The following MYO5B variants were observed in gnomAD, a reference collection of about 807,000 sequenced individuals.
MYO5B encodes the protein myosin VB, also known as unconventional myosin-Vb.
In MYO5B, 143 loss-of-function variants were observed where a neutral mutation model predicts 229.3. The ratio of observed to expected loss-of-function variants is 0.62; its 90% CI spans 0.54 to 0.72. The LOEUF (loss-of-function observed/expected upper bound fraction) is 0.72. Among genes scored for constraint, MYO5B ranks in the 30% least tolerant of loss-of-function variants. The pLI, the probability that MYO5B is intolerant of heterozygous loss-of-function variation, is 0.00. For synonymous variants in MYO5B, 918 were observed against 885.2 expected, an observed-to-expected ratio of 1.04 and a Z score of -0.66; for missense variants, 2,321 against 2,331.0, an observed-to-expected ratio of 1.00 and a Z score of 0.09.
intron 4 of MYO5B, among the ~76,000 whole-genome samples, chr18:50,027,149 C>T (rs1260418377): frequency 1.3e-5 from 2 of 152,168 alleles, no homozygotes; most frequent in African/African-American, 4.8e-5. Flanking sequence ...CCATTTCATC[C>T]TGCTAGGCTT....
chr18:50,070,908 T>C (rs185892598), intron 1 of MYO5B, among the ~76,000 whole-genome samples: 2 of 152,066 alleles, frequency 1.3e-5, no homozygotes, highest in East Asian at 3.9e-4. Flanking sequence ...AGTGGTGAGA[T>C]CACTACTCAT....
chr18:50,176,041 C>A (rs1244393467), intron 1 of MYO5B, among the ~76,000 whole-genome samples: 2 of 152,224 alleles, frequency 1.3e-5, no homozygotes, highest in African/African-American at 2.4e-5. Context: ...CCAAGCCATT[C>A]CTCACATGCT....
chr18:49,873,397 G>A (rs1025341237), intron 26 of MYO5B, among the ~76,000 whole-genome samples: 4 of 152,196 alleles, frequency 2.6e-5, no homozygotes, highest in African/African-American at 9.7e-5. Context: ...ATGCACTAGC[G>A]TGCCCCAGGC....
intron 5 of MYO5B, 41 bp downstream of exon 5, chr18:50,001,214 G>A (rs755575622): frequency 1.2e-6 from 2 of 1,613,674 alleles, no homozygotes; most frequent in Middle Eastern, 1.7e-4. Flanking sequence ...CCAGTGGGAG[G>A]AGCTCCAGCC....
At chr18:49,934,073 G>A (rs1007697041) in intron 16 of MYO5B, among the ~76,000 whole-genome samples, 3 of 152,038 alleles carry the variant, frequency 2.0e-5, no homozygotes, top group Admixed American at 6.5e-5. Flanking sequence ...GTTGGGTCTC[G>A]CTATATTTCC....
At chr18:49,977,207 A>G (rs2025760961) in intron 9 of MYO5B, among the ~76,000 whole-genome samples, 1 of 152,164 alleles carries the variant, frequency 6.6e-6, no homozygotes, top group South Asian at 2.1e-4. Context: ...CTGATTTAAC[A>G]TCGTACAATT....
intron 1 of MYO5B, among the ~76,000 whole-genome samples, chr18:50,123,740 G>T (rs1322289931): frequency 1.3e-5 from 2 of 152,034 alleles, no homozygotes; most frequent in Non-Finnish European, 2.9e-5. Context: ...GATGATAAAA[G>T]GTTTTCCACT....
rs115520266 is a variant in MYO5B at position 49,871,671 on chromosome 18, A to T, written c.3603+496T>A. On this transcript the variant is annotated intron_variant, in intron 27 of 39. Transcript: ENST00000285039. ...CTCACTACCTTCAGACCAACCAGCC[A>T]GAGTTATTTGTAGTCCTGTAAGTGA... 2.1e-3 allele frequency: 463 copies of T among 216,854 alleles called. 2 individuals carry two copies. Among genetic ancestry groups the T allele is most frequent in the African/African-American group, 9.7e-3 (430 of 44,444 alleles). The allele number at this position is 216,854 out of a possible 1,614,324, so 13.4% of individuals were successfully genotyped here. A position where few individuals can be genotyped will look rare whatever the true frequency, so the allele number is the denominator to read the frequency against.
chr18:50,126,785 C>G (rs190680473), intron 1 of MYO5B, among the ~76,000 whole-genome samples: 45 of 152,332 alleles, frequency 3.0e-4, no homozygotes, highest in Non-Finnish European at 6.3e-4. Context: ...GAAGAGCATG[C>G]ATGGTGAAGC....
chr18:50,063,054 G>C (rs1568091731), intron 1 of MYO5B, among the ~76,000 whole-genome samples: 2 of 152,134 alleles, frequency 1.3e-5, no homozygotes, highest in African/African-American at 4.8e-5. Context: ...TACTATGGCA[G>C]GACTCAGGCC....
intron 16 of MYO5B, among the ~76,000 whole-genome samples, chr18:49,934,707 A>T (rs1240358310): frequency 6.6e-6 from 1 of 152,180 alleles, no homozygotes; most frequent in Non-Finnish European, 1.5e-5. Flanking sequence ...ATTCCTAAGC[A>T]TGTCTCAGAG....
chr18:50,040,655 C>A (rs1220522569), intron 2 of MYO5B, among the ~76,000 whole-genome samples: 1 of 152,048 alleles, frequency 6.6e-6, no homozygotes, highest in African/African-American at 2.4e-5. Flanking sequence ...TTGATTGGCC[C>A]CATTTATTGC....
intron 1 of MYO5B, among the ~76,000 whole-genome samples, chr18:50,115,545 G>GACACACAC (rs1285841007): frequency 4.7e-5 from 5 of 106,226 alleles, no homozygotes; most frequent in South Asian, 6.0e-4. Context: ...CACACACAGA[G>GACACACAC]AGACACACAC....
At chr18:50,081,527 C>G (rs1302196775) in intron 1 of MYO5B, among the ~76,000 whole-genome samples, 1 of 152,172 alleles carries the variant, frequency 6.6e-6, no homozygotes, top group Non-Finnish European at 1.5e-5. Flanking sequence ...TGAAGGTACA[C>G]AATCCCTGCA....
intron 12 of MYO5B, among the ~76,000 whole-genome samples, chr18:49,958,833 G>A (rs2025525060): frequency 6.6e-6 from 1 of 152,166 alleles, no homozygotes; most frequent in African/African-American, 2.4e-5. Context: ...GTTCTCTCCT[G>A]CCTGGCCTAC....
chr18:50,160,589 G>A (rs1162703163), intron 1 of MYO5B, among the ~76,000 whole-genome samples: 1 of 152,150 alleles, frequency 6.6e-6, no homozygotes, highest in Non-Finnish European at 1.5e-5. Context: ...CATTCCCCAT[G>A]AAAGGTCAGG....
rs115721363 is a variant in MYO5B at position 49,846,485 on chromosome 18, C to A, written c.4459+661G>T. On this transcript the variant is annotated intron_variant, in intron 33 of 39. Transcript: ENST00000285039. ...ACAAGAACACTGGTGAGTAGCACAG[C>A]CACGGCCATGTGCGGCTAGTTAGGA... Among the ~76,000 whole-genome samples the A allele has an allele frequency of 6.1e-3, 933 of 152,290 alleles. 4 individuals carry two copies. The highest frequency in any genetic ancestry group is 0.021 in the African/African-American group (872 of 41,558).
intron 4 of MYO5B, 93 bp downstream of exon 4, chr18:50,036,757 C>T (rs1358183746): frequency 8.2e-6 from 12 of 1,459,304 alleles, no homozygotes; most frequent in Non-Finnish European, 1.1e-5. Context: ...ATCTCACCAC[C>T]TCACTGTGAG....
chr18:50,043,415 AT>A (rs35738701), intron 2 of MYO5B, among the ~76,000 whole-genome samples: 65,542 of 95,098 alleles, frequency 0.69, 21,333 homozygotes, highest in East Asian at 0.79. Flanking sequence ...AATATTAAAT[AT>A]TTAAATATAT....
Sources: allele counts gnomAD v4.1 joint callset (sites outside exome capture counted in the v4.1 genomes callset), GRCh38; gene constraint gnomAD v4.1.1; transcripts MANE v1.5; gene names NCBI Gene and HGNC (gene_info 2026-07-23, HGNC 2026-07-21).